FRMD3: variants seen among roughly 807,000 people sequenced by gnomAD.
The protein encoded by FRMD3 is FERM domain containing 3.
FRMD3 carries 33 observed loss-of-function variants against 70.2 expected under a neutral mutation model. That is an observed-to-expected ratio of 0.47 (90% CI 0.36 to 0.63). The LOEUF (loss-of-function observed/expected upper bound fraction) is 0.63, where lower values mean the gene tolerates loss of function less well. FRMD3 is among the 20% of genes least tolerant of loss of function. The pLI is 0.00. For missense variants in FRMD3, 632 were observed against 711.4 expected, an observed-to-expected ratio of 0.89 and a Z score of 1.27; for synonymous variants, 279 against 255.9, an observed-to-expected ratio of 1.09 and a Z score of -0.86.
At chr9:83,265,981 T>C (rs1760003933) in intron 13 of FRMD3, among the ~76,000 whole-genome samples, 1 of 152,204 alleles carries the variant, frequency 6.6e-6, no homozygotes, top group African/African-American at 2.4e-5. Context: ...GGTAATTAAA[T>C]AACTGAGTTA....
chr9:83,488,972 T>TTGTGTGTGTGTGTG (rs4014025), intron 1 of FRMD3, among the ~76,000 whole-genome samples: 1,497 of 135,558 alleles, frequency 0.011, 22 homozygotes, highest in South Asian at 0.021. Flanking sequence ...CCCTATACCT[T>TTGTGTGTGTGTGTG]TGTGTGTGTG....
chr9:83,288,994 G>T (rs1262193130), intron 13 of FRMD3, among the ~76,000 whole-genome samples: 2 of 152,110 alleles, frequency 1.3e-5, no homozygotes, highest in Non-Finnish European at 2.9e-5. Flanking sequence ...TTGCAGACAA[G>T]GTACAGTCAC....
At chr9:83,521,380 T>C (rs759767676) in intron 1 of FRMD3, among the ~76,000 whole-genome samples, 2 of 152,020 alleles carry the variant, frequency 1.3e-5, no homozygotes, top group Admixed American at 6.6e-5. Flanking sequence ...CAACTACTCA[T>C]GAGGCTGGAG....
chr9:83,356,071 G>A (rs940448866), intron 3 of FRMD3, among the ~76,000 whole-genome samples: 1 of 152,104 alleles, frequency 6.6e-6, no homozygotes, highest in African/African-American at 2.4e-5. Flanking sequence ...AGGTACAGCT[G>A]TTTATAAAAC....
At chr9:83,341,349 G>T (rs2131157485) in intron 5 of FRMD3, among the ~76,000 whole-genome samples, 1 of 152,264 alleles carries the variant, frequency 6.6e-6, no homozygotes, top group South Asian at 2.1e-4. Context: ...CTGATCGTCT[G>T]GATGGAGGCT....
At chr9:83,553,777 C>T in the FRMD3 span, among the ~76,000 whole-genome samples, 122,512 of 152,100 alleles carry the variant, frequency 0.81, 49,735 homozygotes, top group Admixed American at 0.86. Context: ...GATTTCTGTT[C>T]TCCTTGGGTT....
chr9:83,346,116 C>T (rs529612167), intron 4 of FRMD3, among the ~76,000 whole-genome samples: 2 of 151,950 alleles, frequency 1.3e-5, no homozygotes, highest in South Asian at 2.1e-4. Flanking sequence ...ATTAGCTAGG[C>T]GTGCTGGCTT....
At position 83,378,262 on chromosome 9, in the gene FRMD3, T is replaced by G. The variant is rs918570668; in HGVS notation, c.253-5307A>C. Among the ~76,000 whole-genome samples the G allele has an allele frequency of 2.2e-4, 15 of 69,342 alleles. 1 individual carries two copies. Among genetic ancestry groups the G allele is most frequent in the African/African-American group, 9.1e-4 (14 of 15,394 alleles). The allele number at this position is 69,342 out of a possible 152,430, so 45.5% of individuals were successfully genotyped here. A position where few individuals can be genotyped will look rare whatever the true frequency, so the allele number is the denominator to read the frequency against. ...AGTCTAACTGTGTCCTTCTTTTTTG[T>G]TTTTTTTGTTTTTTTTGAGACAGAG... On this transcript the variant is annotated intron_variant, in intron 2 of 13. Transcript: ENST00000304195.
chr9:83,381,366 C>T (rs1446584243), intron 2 of FRMD3, among the ~76,000 whole-genome samples: 1 of 152,148 alleles, frequency 6.6e-6, no homozygotes, highest in African/African-American at 2.4e-5. Context: ...ACTGTCCTGG[C>T]TAACAGGGTG....
At chr9:83,420,444 C>A (rs959632063) in intron 1 of FRMD3, among the ~76,000 whole-genome samples, 21 of 152,176 alleles carry the variant, frequency 1.4e-4, no homozygotes, top group African/African-American at 4.8e-4. Context: ...ATTCCCAAAT[C>A]AGCTCAGTGC....
In FRMD3 at chr9:83,467,538, T is replaced by C. The variant is rs555448519; in HGVS notation, c.147+70547A>G. 227 of 904,314 alleles carry C rather than the reference T, an allele frequency of 2.5e-4. 2 individuals carry two copies. In the South Asian group the frequency reaches 2.8e-3, roughly 11 times the overall value. 56.0% of individuals were successfully genotyped at this position (904,314 alleles called of 1,614,324 possible). A position where few individuals can be genotyped will look rare whatever the true frequency, so the allele number is the denominator to read the frequency against. On this transcript the variant is annotated intron_variant, in intron 1 of 13. Coordinates refer to ENST00000304195, the MANE Select transcript of FRMD3 (RefSeq NM_174938.6). ...GTTTCAGTGAAAATAATTCAAAACA[T>C]TGCATAGTAACTCATGACATGCATT...
rs10124442 is a variant in FRMD3 at position 83,445,569 on chromosome 9, A to G, written c.148-55861T>C. On this transcript the variant is annotated intron_variant, in intron 1 of 13. Coordinates refer to ENST00000304195, the MANE Select transcript of FRMD3 (RefSeq NM_174938.6). The stretch of plus-strand genomic sequence containing the variant: ...TGGCTTTCTCCTATTCTTAGGAGTA[A>G]AGCAAATATACTTAGGAAGGATGCC... Among the ~76,000 whole-genome samples the G allele has an allele frequency of 8.8e-3, 1,339 of 152,298 alleles. 19 individuals are homozygous for G. Among genetic ancestry groups the G allele is most frequent in the African/African-American group, 0.031 (1,285 of 41,546 alleles).
chr9:83,396,159 C>T (rs1182486060), intron 1 of FRMD3, among the ~76,000 whole-genome samples: 2 of 152,130 alleles, frequency 1.3e-5, no homozygotes, highest in Admixed American at 1.3e-4. Context: ...TCTAGGAACT[C>T]AGTTGGCCTA....
At chr9:83,329,964 C>T (rs1007128586) in intron 6 of FRMD3, among the ~76,000 whole-genome samples, 45 of 152,298 alleles carry the variant, frequency 3.0e-4, no homozygotes, top group Non-Finnish European at 5.1e-4. Flanking sequence ...TATTCTTGAT[C>T]TTAAACCCCT....
At chr9:83,340,642 G>T (rs1206500231) in intron 5 of FRMD3, among the ~76,000 whole-genome samples, 1 of 152,214 alleles carries the variant, frequency 6.6e-6, no homozygotes, top group Non-Finnish European at 1.5e-5. Context: ...AATATAAATA[G>T]ATCCCAAGGA....
At chr9:83,411,999 T>G (rs187609540) in intron 1 of FRMD3, among the ~76,000 whole-genome samples, 18 of 152,334 alleles carry the variant, frequency 1.2e-4, no homozygotes, top group African/African-American at 4.1e-4. Context: ...AGGAATTATA[T>G]TATTCAGGCA....
chr9:83,285,720 A>G (rs1834180465), intron 13 of FRMD3, among the ~76,000 whole-genome samples: 3 of 152,354 alleles, frequency 2.0e-5, no homozygotes, highest in East Asian at 1.9e-4. Context: ...GCACGGTGCT[A>G]TCTCCACTAT....
intron 1 of FRMD3, among the ~76,000 whole-genome samples, chr9:83,500,540 A>ACACACACAC (rs1829045068): frequency 6.7e-5 from 10 of 148,400 alleles, no homozygotes; most frequent in South Asian, 2.2e-4. Flanking sequence ...ACACACACAC[A>ACACACACAC]ATGTCAATAT....
intron 1 of FRMD3, among the ~76,000 whole-genome samples, chr9:83,409,042 T>C (rs772354404): frequency 2.0e-5 from 3 of 152,164 alleles, no homozygotes; most frequent in Non-Finnish European, 4.4e-5. Flanking sequence ...TACACCTCTC[T>C]ATTGCCCCCA....
Sources: allele counts gnomAD v4.1 joint callset (sites outside exome capture counted in the v4.1 genomes callset), GRCh38; gene constraint gnomAD v4.1.1; transcripts MANE v1.5; gene names NCBI Gene and HGNC (gene_info 2026-07-23, HGNC 2026-07-21).